RIBC1: variants seen among roughly 807,000 people sequenced by gnomAD.
RIBC1 encodes the protein RIB43A domain with coiled-coils 1.
In RIBC1, 12 loss-of-function variants were observed where a neutral mutation model predicts 33.7. That is an observed-to-expected ratio of 0.36 (90% CI 0.23 to 0.58). The LOEUF (loss-of-function observed/expected upper bound fraction) is 0.58. Among genes scored for constraint, RIBC1 ranks in the 20% least tolerant of loss-of-function variants. The pLI is 0.81. For synonymous variants in RIBC1, 89 were observed against 109.0 expected, an observed-to-expected ratio of 0.82 and a Z score of 1.14; for missense variants, 242 against 311.6, an observed-to-expected ratio of 0.78 and a Z score of 1.68.
intron 2 of RIBC1, 41 bp from the exon 3 acceptor site, chrX:53,426,236 G>C: frequency 1.1e-6 from 1 of 893,204 alleles, no homozygotes; most frequent in Non-Finnish European, 1.6e-6. Flanking sequence ...CAAAGACGGT[G>C]GTCGGCACTG....
rs1189525161 is a variant in RIBC1 at position 53,428,643 on chromosome X, C to G, written c.544+16C>G. ...AATTATACAGGTAAGCAGCCCGGCCCTCCAGACTCAGAGACCTGAGGCCTA... is the reference window on the plus strand; with the variant it reads ...AATTATACAGGTAAGCAGCCCGGCCGTCCAGACTCAGAGACCTGAGGCCTA... On this transcript the variant is annotated intron_variant, in intron 5 of 7. Coordinates refer to ENST00000375327, the MANE Select transcript of RIBC1 (RefSeq NM_001031745.5). The G allele has an allele frequency of 4.1e-6, 5 of 1,208,172 alleles. No homozygotes were observed. The highest frequency in any genetic ancestry group is 5.6e-6 in the Non-Finnish European group (5 of 894,014).
intron 5 of RIBC1, chrX:53,428,995 G>A (rs868909858): frequency 1.1e-4 from 29 of 264,452 alleles, no homozygotes; most frequent in African/African-American, 7.4e-4. Flanking sequence ...TTATGATATT[G>A]TCTGTGGCCA....
chrX:53,431,021 T>C lies in RIBC1; in HGVS notation c.*33T>C, dbSNP rs1378997100. ...ATGTCTATCTCTCTCTCCCTTCTCC[T>C]CCATCAAGCTCACAGGTGGTTAGGA... On this transcript the variant is annotated 3_prime_UTR_variant, in exon 8 of 8. Transcript: ENST00000375327. 1 of 1,209,227 alleles carries C rather than the reference T, an allele frequency of 8.3e-7. No individual in the cohort carries two copies. Among genetic ancestry groups the C allele is most frequent in the African/African-American group, 1.8e-5 (1 of 57,104 alleles).
intron 5 of RIBC1, 195 bp downstream of exon 5, chrX:53,428,822 G>A (rs1302816074): frequency 9.3e-7 from 1 of 1,073,073 alleles, no homozygotes; most frequent in Non-Finnish European, 1.2e-6. Flanking sequence ...CATTGTTCTT[G>A]ATTAGTTTGG....
intron 6 of RIBC1, 129 bp downstream of exon 6, chrX:53,430,101 C>A: frequency 3.6e-6 from 2 of 552,570 alleles, no homozygotes; most frequent in Non-Finnish European, 2.9e-6. Context: ...CTGAGTACTC[C>A]CCCTTCACTG....
In RIBC1 at chrX:53,426,259, AC is replaced by A; in HGVS notation, c.1-16del. 4 of 1,119,864 alleles carry A rather than the reference AC, an allele frequency of 3.6e-6. No homozygotes were observed. The highest frequency in any genetic ancestry group is 4.9e-6 in the Non-Finnish European group (4 of 812,287). 92.3% of individuals were successfully genotyped at this position (1,119,864 alleles called of 1,213,427 possible). A position where few individuals can be genotyped will look rare whatever the true frequency, so the allele number is the denominator to read the frequency against. On this transcript the variant is annotated splice_polypyrimidine_tract_variant and intron_variant, in intron 2 of 7. Transcript: ENST00000375327. ...GTGGTCGGCACTGATGGGCCATTCC[AC>A]CTCCCTTTTGCTCCAGATGTATAAC...
At chrX:53,429,106 T>C (rs2075807597) in intron 5 of RIBC1, 1 of 126,123 alleles carries the variant, frequency 7.9e-6, no homozygotes. Context: ...CAGCACTCTG[T>C]TCTGCTGGAC....
chrX:53,425,945 T>C (rs2075789283), intron 2 of RIBC1, among the ~76,000 whole-genome samples: 1 of 112,112 alleles, frequency 8.9e-6, no homozygotes, highest in African/African-American at 3.2e-5. Context: ...AAAGGTGCTT[T>C]CAAAGGCTTT....
chrX:53,428,268 G>T lies in RIBC1; in HGVS notation c.200-15G>T. On this transcript the variant is annotated splice_polypyrimidine_tract_variant and intron_variant, in intron 4 of 7. Coordinates refer to ENST00000375327, the MANE Select transcript of RIBC1 (RefSeq NM_001031745.5). ...CCTGGGGTATCTTCTCCATATCCTT[G>T]CTCACCACCCCCAGGTACCAGCCAG... 8.3e-7 allele frequency: 1 copy of T among 1,207,179 alleles called. No individual in the cohort carries two copies. Among genetic ancestry groups the T allele is most frequent in the Non-Finnish European group, 1.1e-6 (1 of 892,400 alleles).
In RIBC1 at chrX:53,429,932, C is replaced by G. The variant is rs782772772; in HGVS notation, c.623C>G (p.Ala208Gly). 8.3e-7 allele frequency: 1 copy of G among 1,210,774 alleles called. No homozygotes were observed. The highest frequency in any genetic ancestry group is 3.0e-5 in the East Asian group (1 of 33,826). ...GCCAGGCTGGAGGAGTCCTGTCGTG[C>G]GGCCATGATGTGTGCCATGGCCAAC... ...HLARLEESCR[A>G]AMMCAMANAN... The change falls in exon 6 of 8, where the codon GCG becomes GGG. Residue 208 changes from alanine (A) to glycine (G), a missense_variant. Transcript: ENST00000375327.
Position 53,428,525 on chromosome X carries a change from G to A in RIBC1, c.442G>A (p.Asp148Asn). The A allele has an allele frequency of 8.3e-7, 1 of 1,210,108 alleles. No homozygotes were observed. Among genetic ancestry groups the A allele is most frequent in the Non-Finnish European group, 1.1e-6 (1 of 894,441 alleles). Residue 148 changes from aspartate to asparagine, a missense_variant, in exon 5 of 8, where the codon GAC becomes AAC. Physicochemically the swap from Asp to Asn is conservative, Grantham distance 23. Coordinates refer to ENST00000375327, the MANE Select transcript of RIBC1 (RefSeq NM_001031745.5). ...SLQYFSGEDL[D>N]RDTRLRMQQG... ...GCAGTACTTCTCTGGGGAAGACCTA[G>A]ACAGGGACACACGGCTGAGAATGCA...
At chrX:53,425,108 A>G (rs1485633903) in intron 2 of RIBC1, among the ~76,000 whole-genome samples, 1 of 111,845 alleles carries the variant, frequency 8.9e-6, no homozygotes, top group African/African-American at 3.3e-5. Context: ...AAACACCAAA[A>G]AGATCCAAAT....
chrX:53,428,372 G>A lies in RIBC1; in HGVS notation c.289G>A (p.Glu97Lys), dbSNP rs1426329707. 1 of 1,211,792 alleles carries A rather than the reference G, an allele frequency of 8.3e-7. No homozygotes were observed. Among genetic ancestry groups the A allele is most frequent in the Non-Finnish European group, 1.1e-6 (1 of 895,460 alleles). Residue 97 changes from glutamate (E) to lysine (K), a missense_variant, in exon 5 of 8, where the codon GAG becomes AAG. Coordinates refer to ENST00000375327, the MANE Select transcript of RIBC1 (RefSeq NM_001031745.5). ...ACGTCAGCTGGCCAAGAAAGTCCAG[G>A]AGTTTCGGGAGCAGAAGCAGCAGCT... ...RTRQLAKKVQ[E>K]FREQKQQLKN...
chrX:53,430,385 G>A lies in RIBC1; in HGVS notation c.664-11G>A. The A allele has an allele frequency of 8.4e-7, 1 of 1,197,559 alleles. No individual in the cohort carries two copies. The highest frequency in any genetic ancestry group is 1.1e-6 in the Non-Finnish European group (1 of 885,863). Reference sequence around the variant, plus strand: ...GGGCACCCAAATGTTTGCATTTGGGGGCTCCACCAGGCAGCTGTGCAGGCT... The same window carrying A: ...GGGCACCCAAATGTTTGCATTTGGGAGCTCCACCAGGCAGCTGTGCAGGCT... On this transcript the variant is annotated splice_polypyrimidine_tract_variant and intron_variant, in intron 6 of 7. Coordinates refer to ENST00000375327, the MANE Select transcript of RIBC1 (RefSeq NM_001031745.5).
intron 5 of RIBC1, chrX:53,428,954 T>G: frequency 2.2e-6 from 1 of 447,280 alleles, no homozygotes; most frequent in Non-Finnish European, 3.2e-6. Context: ...AAAATGAGAA[T>G]AATAATTTAT....
At chrX:53,426,545 C>T (rs782745906) in intron 3 of RIBC1, 152 bp downstream of exon 3, 951 of 454,684 alleles carry the variant, frequency 2.1e-3, no homozygotes, top group Non-Finnish European at 2.5e-3. Context: ...AAGGCACCCA[C>T]CCCTACAGGC....
intron 3 of RIBC1, among the ~76,000 whole-genome samples, chrX:53,427,526 C>G (rs781908321): frequency 8.9e-6 from 1 of 112,417 alleles, no homozygotes; most frequent in Non-Finnish European, 1.9e-5. Context: ...CAGTTTCTGC[C>G]CTGAAAGGGT....
intron 2 of RIBC1, among the ~76,000 whole-genome samples, chrX:53,423,788 G>A (rs1556892690): frequency 1.8e-5 from 2 of 112,109 alleles, no homozygotes; most frequent in Non-Finnish European, 3.8e-5. Context: ...AGGAAAGTGA[G>A]GAAGTGGCTG....
intron 4 of RIBC1, 22 bp from the exon 5 acceptor site, chrX:53,428,261 T>C (rs1225083028): frequency 1.7e-6 from 2 of 1,204,409 alleles, no homozygotes; most frequent in African/African-American, 3.5e-5. Flanking sequence ...ATCTTCTCCA[T>C]ATCCTTGCTC....
Sources: gnomAD v4.1 joint callset for allele counts (sites outside exome capture counted in the v4.1 genomes callset) on GRCh38, gnomAD v4.1.1 for gene constraint, MANE v1.5 for transcripts, NCBI Gene and HGNC (gene_info 2026-07-23, HGNC 2026-07-21) for gene names.